Variants in VEPH1 observed in about 807,000 individuals in gnomAD.
VEPH1 encodes the protein ventricular zone expressed PH domain containing 1, also known as ventricular zone-expressed PH domain-containing protein homolog 1.
VEPH1 carries 80 observed loss-of-function variants against 85.2 expected under a neutral mutation model. That is an observed-to-expected ratio of 0.94 (90% CI 0.78 to 1.13). VEPH1 has a LOEUF of 1.13. VEPH1 is among the 50% of genes most tolerant of loss of function. The pLI is 0.00. For missense variants in VEPH1, 955 were observed against 980.5 expected (o/e 0.97, Z 0.35); for synonymous variants, 297 against 348.0 (o/e 0.85, Z 1.63).
intron 6 of VEPH1, among the ~76,000 whole-genome samples, chr3:157,406,174 AC>A (rs1367364186): frequency 6.6e-6 from 1 of 152,174 alleles, no homozygotes; most frequent in Non-Finnish European, 1.5e-5. Context: ...AGTAGCAGCC[AC>A]TGGCACCAAC....
At chr3:157,458,498 A>G (rs1249747008) in intron 4 of VEPH1, among the ~76,000 whole-genome samples, 1 of 152,150 alleles carries the variant, frequency 6.6e-6, no homozygotes, top group Non-Finnish European at 1.5e-5. Context: ...GAATTGCTTA[A>G]GTTCCTTATA....
At chr3:157,418,929 T>C (rs1245267449) in intron 5 of VEPH1, among the ~76,000 whole-genome samples, 1 of 152,134 alleles carries the variant, frequency 6.6e-6, no homozygotes, top group Non-Finnish European at 1.5e-5. Flanking sequence ...AACTTCATAC[T>C]AAACTACGAG....
At chr3:157,394,795 T>C (rs1730207988) in intron 6 of VEPH1, among the ~76,000 whole-genome samples, 2 of 152,134 alleles carry the variant, frequency 1.3e-5, no homozygotes, top group South Asian at 4.1e-4. Context: ...CATGGGAATA[T>C]GAAGCAAAAA....
At chr3:157,414,115 G>C in intron 5 of VEPH1, 25 bp from the exon 6 acceptor site, 2 of 1,516,844 alleles carry the variant, frequency 1.3e-6, no homozygotes, top group Non-Finnish European at 1.8e-6. Context: ...GAGAGGAGGA[G>C]GGAAGAAAGA....
chr3:157,338,654 G>A (rs1336744387), intron 9 of VEPH1, among the ~76,000 whole-genome samples: 1 of 151,984 alleles, frequency 6.6e-6, no homozygotes, highest in Non-Finnish European at 1.5e-5. Context: ...TTTATTTGTG[G>A]CAGTCTCTGT....
chr3:157,470,344 G>A lies in VEPH1; in HGVS notation c.324C>T (p.Ile108=), dbSNP rs773384515. ...GKDEDTPHAK[I]ASDIMSCILQ... is the part of the protein sequence containing the mutation. ...AAATGCAACTCATGATATCAGATGC[G>A]ATTTTTGCATGAGGAGTGTCTTCGT... Residue 108 remains isoleucine, a synonymous_variant, in exon 3 of 14, where the codon ATC becomes ATT. Coordinates refer to ENST00000362010, the MANE Select transcript of VEPH1 (RefSeq NM_001167912.2). 4.3e-6 allele frequency: 7 copies of A among 1,614,028 alleles called. No homozygotes were observed. In the African/African-American group the frequency reaches 8.0e-5, roughly 18 times the overall value.
chr3:157,354,476 C>G (rs1265458085), intron 9 of VEPH1, among the ~76,000 whole-genome samples: 1 of 152,074 alleles, frequency 6.6e-6, no homozygotes, highest in Non-Finnish European at 1.5e-5. Context: ...ATCTAGGGTG[C>G]CACACATAAA....
chr3:157,498,230 CA>C (rs1250458322), intron 1 of VEPH1, among the ~76,000 whole-genome samples: 1 of 152,198 alleles, frequency 6.6e-6, no homozygotes, highest in African/African-American at 2.4e-5. Flanking sequence ...CTCAGCTATT[CA>C]GCGATTATAG....
intron 12 of VEPH1, among the ~76,000 whole-genome samples, chr3:157,272,369 T>TTTCTTTC (rs1559913839): frequency 1.2e-5 from 1 of 82,214 alleles, no homozygotes. Context: ...TCTTTCTTTC[T>TTTCTTTC]CTTTCTTTTC....
chr3:157,467,427 T>C (rs1412541256), intron 3 of VEPH1, among the ~76,000 whole-genome samples: 6 of 151,582 alleles, frequency 4.0e-5, no homozygotes, highest in Admixed American at 3.9e-4. Context: ...TAGAAGAAAA[T>C]GAGTCATTTG....
intron 12 of VEPH1, among the ~76,000 whole-genome samples, chr3:157,267,479 A>G (rs1290937979): frequency 3.3e-5 from 5 of 151,944 alleles, no homozygotes; most frequent in Non-Finnish European, 5.9e-5. Context: ...TTCCATTGTC[A>G]ACTCCAAATT....
intron 4 of VEPH1, chr3:157,459,535 T>C: frequency 1.1e-6 from 1 of 930,232 alleles, no homozygotes; most frequent in Non-Finnish European, 1.3e-6. Context: ...TCAATTAATA[T>C]CATGTATTGT....
intron 6 of VEPH1, among the ~76,000 whole-genome samples, chr3:157,400,187 C>T (rs1020489372): frequency 3.3e-5 from 5 of 151,712 alleles, no homozygotes; most frequent in Admixed American, 6.6e-5. Context: ...GCTGTCTGGG[C>T]AAAACAATTT....
chr3:157,425,123 C>T (rs1204227033), intron 5 of VEPH1, among the ~76,000 whole-genome samples: 1 of 152,190 alleles, frequency 6.6e-6, no homozygotes, highest in Admixed American at 6.5e-5. Context: ...TGAAAGGGGC[C>T]AAAGTACAGC....
chr3:157,330,235 C>G (rs1328065584), intron 9 of VEPH1, among the ~76,000 whole-genome samples: 2 of 152,164 alleles, frequency 1.3e-5, no homozygotes, highest in Non-Finnish European at 2.9e-5. Context: ...AGCAAGACCT[C>G]TATAGTCAAT....
chr3:157,459,617 G>GAAT, intron 4 of VEPH1: 1 of 1,248,198 alleles, frequency 8.0e-7, no homozygotes. Flanking sequence ...AAGACAAGGA[G>GAAT]AATATTTTGC....
intron 9 of VEPH1, among the ~76,000 whole-genome samples, chr3:157,350,624 A>G (rs1266892157): frequency 6.6e-6 from 1 of 152,236 alleles, no homozygotes; most frequent in Non-Finnish European, 1.5e-5. Flanking sequence ...TATTCATACA[A>G]CAGGATATTA....
intron 7 of VEPH1, among the ~76,000 whole-genome samples, chr3:157,378,109 C>T (rs1400892688): frequency 6.6e-6 from 1 of 151,812 alleles, no homozygotes; most frequent in Non-Finnish European, 1.5e-5. Context: ...CAGAATGGCT[C>T]CCTCAAATAC....
At chr3:157,397,603 TG>T (rs369813710) in intron 6 of VEPH1, among the ~76,000 whole-genome samples, 26 of 152,326 alleles carry the variant, frequency 1.7e-4, no homozygotes, top group African/African-American at 6.0e-4. Context: ...CCTTGAACAG[TG>T]GTTTGTAGTT....
Sources: allele counts gnomAD v4.1 joint callset (sites outside exome capture counted in the v4.1 genomes callset), GRCh38; gene constraint gnomAD v4.1.1; transcripts MANE v1.5; gene names NCBI Gene and HGNC (gene_info 2026-07-23, HGNC 2026-07-21).